The following SYT14 variants were observed in gnomAD, a reference collection of about 807,000 sequenced individuals.
SYT14 encodes synaptotagmin-14.
A neutral mutation model predicts 74.2 loss-of-function variants in SYT14; 32 were observed. The observed-to-expected ratio is 0.43, with a 90% CI of 0.33 to 0.58. The LOEUF is 0.58. Among genes scored for constraint, SYT14 ranks in the 20% least tolerant of loss-of-function variants. SYT14 has a pLI of 0.05. For synonymous variants in SYT14, 298 were observed against 337.7 expected (o/e 0.88, Z 1.29); for missense variants, 791 against 981.8 (o/e 0.81, Z 2.60).
At chr1:210,125,113 A>G (rs1006619678) in intron 7 of SYT14, among the ~76,000 whole-genome samples, 2 of 151,846 alleles carry the variant, frequency 1.3e-5, no homozygotes, top group Non-Finnish European at 2.9e-5. Context: ...GTTTGTTACA[A>G]GGATATACTG....
At chr1:210,002,961 T>G (rs914838640) in intron 2 of SYT14, among the ~76,000 whole-genome samples, 1 of 152,182 alleles carries the variant, frequency 6.6e-6, no homozygotes, top group Non-Finnish European at 1.5e-5. Flanking sequence ...TTTATCAGTA[T>G]TCTCTTGTGT....
chr1:210,068,783 A>G (rs987917386), intron 5 of SYT14, among the ~76,000 whole-genome samples: 13 of 151,676 alleles, frequency 8.6e-5, no homozygotes, highest in Non-Finnish European at 1.8e-4. Flanking sequence ...TCCTCTCTAT[A>G]GAATTGGTTT....
intron 5 of SYT14, among the ~76,000 whole-genome samples, chr1:210,044,465 G>C (rs2080849389): frequency 1.3e-5 from 2 of 152,180 alleles, no homozygotes; most frequent in African/African-American, 4.8e-5. Context: ...TTTGTGGAAA[G>C]CTTATTCGAA....
At chr1:210,123,349 T>C (rs1423413992) in intron 7 of SYT14, among the ~76,000 whole-genome samples, 12 of 152,184 alleles carry the variant, frequency 7.9e-5, no homozygotes, top group African/African-American at 2.7e-4. Context: ...ACTGACTCTT[T>C]AGAAAGAATG....
At chr1:210,105,251 T>A (rs1011148413) in intron 7 of SYT14, among the ~76,000 whole-genome samples, 1 of 152,226 alleles carries the variant, frequency 6.6e-6, no homozygotes. Context: ...AACTATGACT[T>A]GTGAGTCAAC....
At chr1:210,068,204 A>G (rs946338245) in intron 5 of SYT14, among the ~76,000 whole-genome samples, 1 of 151,870 alleles carries the variant, frequency 6.6e-6, no homozygotes, top group Non-Finnish European at 1.5e-5. Context: ...CATGGATTTT[A>G]TCTTTTAATC....
chr1:210,035,335 G>GACAAA (rs1190891437), intron 5 of SYT14, among the ~76,000 whole-genome samples: 7 of 151,980 alleles, frequency 4.6e-5, no homozygotes, highest in African/African-American at 1.4e-4. Context: ...CAGATGCATA[G>GACAAA]TTTGGAAATA....
intron 7 of SYT14, among the ~76,000 whole-genome samples, chr1:210,110,686 T>C (rs1355698602): frequency 6.6e-6 from 1 of 152,250 alleles, no homozygotes; most frequent in Non-Finnish European, 1.5e-5. Flanking sequence ...TTTGGTTCTA[T>C]TTAAATCTCA....
At chr1:210,121,840 G>A (rs1338646898) in intron 7 of SYT14, among the ~76,000 whole-genome samples, 1 of 150,772 alleles carries the variant, frequency 6.6e-6, no homozygotes, top group African/African-American at 2.4e-5. Context: ...TAATTATTAA[G>A]ATGACTGAAT....
intron 7 of SYT14, among the ~76,000 whole-genome samples, chr1:210,128,910 G>A (rs900388305): frequency 6.6e-6 from 1 of 152,170 alleles, no homozygotes; most frequent in Non-Finnish European, 1.5e-5. Context: ...AAGTTCTGAG[G>A]ACATATTTTG....
At chr1:210,168,732 C>T (rs1042271370) in exon 10 of SYT14, 8 of 152,144 alleles carry the variant, frequency 5.3e-5, no homozygotes, top group African/African-American at 1.2e-4. Flanking sequence ...TCACTTCACT[C>T]GTCAGTTTCT....
intron 2 of SYT14, among the ~76,000 whole-genome samples, chr1:209,990,436 C>T (rs2079644146): frequency 7.0e-6 from 1 of 143,146 alleles, no homozygotes; most frequent in South Asian, 2.3e-4. Context: ...AAAAATCTCA[C>T]ATCTTAATAT....
chr1:209,957,059 T>C (rs889249115), intron 2 of SYT14, among the ~76,000 whole-genome samples: 4 of 152,130 alleles, frequency 2.6e-5, no homozygotes, highest in African/African-American at 4.8e-5. Flanking sequence ...TAAGTTATGC[T>C]TGAAACTAAC....
intron 5 of SYT14, among the ~76,000 whole-genome samples, chr1:210,082,143 G>A (rs1248928631): frequency 6.6e-6 from 1 of 152,152 alleles, no homozygotes; most frequent in Non-Finnish European, 1.5e-5. Context: ...AGTTAAACTT[G>A]GAATATGTGG....
chr1:210,097,135 C>T (rs867291403), intron 6 of SYT14, among the ~76,000 whole-genome samples: 3 of 152,110 alleles, frequency 2.0e-5, no homozygotes, highest in African/African-American at 4.8e-5. Flanking sequence ...ATGTGAATGC[C>T]GATAGCCTAT....
At chr1:210,076,705 G>A (rs1264421889) in intron 5 of SYT14, among the ~76,000 whole-genome samples, 1 of 152,164 alleles carries the variant, frequency 6.6e-6, no homozygotes, top group Non-Finnish European at 1.5e-5. Flanking sequence ...TGGGGAGCCA[G>A]CGCTTCACAT....
chr1:210,041,838 A>G lies in SYT14; in HGVS notation c.1312+20584A>G, dbSNP rs116152167. On this transcript the variant is annotated intron_variant, in intron 5 of 9. Coordinates refer to ENST00000637265, the Ensembl canonical transcript of SYT14. The stretch of plus-strand genomic sequence containing the variant: ...CAGGATAAACAGAAGCCAGGGATCC[A>G]TGGTGAGCCAGTCCCCCAGGATTTA... Among the ~76,000 whole-genome samples, 1,276 of 152,224 alleles carry G rather than the reference A, an allele frequency of 8.4e-3. 14 individuals carry two copies. Among genetic ancestry groups the G allele is most frequent in the African/African-American group, 0.026 (1,101 of 41,548 alleles).
chr1:210,146,990 C>T (rs980916867), intron 7 of SYT14, among the ~76,000 whole-genome samples: 1 of 151,712 alleles, frequency 6.6e-6, no homozygotes, highest in Admixed American at 6.6e-5. Flanking sequence ...AAATAATTTC[C>T]ATTGAAGATG....
chr1:210,029,698 C>T (rs1487220370), intron 5 of SYT14, among the ~76,000 whole-genome samples: 1 of 152,110 alleles, frequency 6.6e-6, no homozygotes, highest in African/African-American at 2.4e-5. Context: ...AAGTTTGAGT[C>T]CTCCAGCTAT....
Sources: allele counts gnomAD v4.1 joint callset (sites outside exome capture counted in the v4.1 genomes callset), GRCh38; gene constraint gnomAD v4.1.1; transcripts MANE v1.5; gene names NCBI Gene and HGNC (gene_info 2026-07-23, HGNC 2026-07-21).